Variants in FNIP2 observed in about 807,000 individuals in gnomAD.
The protein encoded by FNIP2 is folliculin interacting protein 2.
Under a neutral mutation model 108.7 loss-of-function variants are expected in FNIP2, and 32 were observed. The ratio of observed to expected loss-of-function variants is 0.29; its 90% CI spans 0.22 to 0.40. The LOEUF (loss-of-function observed/expected upper bound fraction) is 0.40, where lower values mean the gene tolerates loss of function less well. Among genes scored for constraint, FNIP2 ranks in the 10% least tolerant of loss-of-function variants. The pLI, the probability that FNIP2 is intolerant of heterozygous loss-of-function variation, is 1.00. For synonymous variants in FNIP2, 480 were observed against 496.7 expected (o/e 0.97, Z 0.45); for missense variants, 1,202 against 1,381.6 (o/e 0.87, Z 2.06).
chr4:158,869,068 G>A lies in FNIP2; in HGVS notation c.2432G>A (p.Gly811Glu). ...AACGACATGGCAGCAGATATTGCTG[G>A]GCAGCTCAGCCACGCTGCTGACTTG... ...SRNDMAADIA[G>E]QLSHAADLGT... is the part of the protein sequence containing the mutation. The change falls in exon 13 of 17, where the codon GGG (glycine) becomes GAG (glutamate). Residue 811 changes from glycine (G) to glutamate (E), a missense_variant. Around this residue, in one of 5 missense-constraint regions of FNIP2, gnomAD observed 878 missense variants for 990.3 expected, o/e 0.89. Coordinates refer to ENST00000264433, the MANE Select transcript of FNIP2 (RefSeq NM_020840.3). 2 of 1,613,992 alleles carry A rather than the reference G, an allele frequency of 1.2e-6. No homozygotes were observed. Among genetic ancestry groups the A allele is most frequent in the Non-Finnish European group, 1.7e-6 (2 of 1,179,876 alleles).
intron 16 of FNIP2, among the ~76,000 whole-genome samples, chr4:158,898,080 T>C (rs552815052): frequency 6.6e-6 from 1 of 152,346 alleles, no homozygotes; most frequent in East Asian, 1.9e-4. Context: ...CCCAACACCA[T>C]TTATTAAATA....
At chr4:158,886,659 A>C (rs2126761748) in intron 14 of FNIP2, among the ~76,000 whole-genome samples, 1 of 152,312 alleles carries the variant, frequency 6.6e-6, no homozygotes, top group Non-Finnish European at 1.5e-5. Context: ...AACGTATTTC[A>C]AAATTGATTC....
chr4:158,890,595 G>T (rs994456886), intron 14 of FNIP2, among the ~76,000 whole-genome samples: 5 of 152,214 alleles, frequency 3.3e-5, no homozygotes, highest in African/African-American at 1.2e-4. Flanking sequence ...TGGCAAAGCT[G>T]TATATCTCTT....
At chr4:158,883,329 C>T (rs1174736114) in intron 14 of FNIP2, among the ~76,000 whole-genome samples, 1 of 152,112 alleles carries the variant, frequency 6.6e-6, no homozygotes, top group Non-Finnish European at 1.5e-5. Flanking sequence ...GCAAGCTCCG[C>T]CTCCTGGGTT....
chr4:158,841,174 C>T (rs924594990), intron 7 of FNIP2, among the ~76,000 whole-genome samples: 1 of 152,130 alleles, frequency 6.6e-6, no homozygotes, highest in African/African-American at 2.4e-5. Context: ...AGGGTGGGGG[C>T]TTCTCAAGCT....
intron 1 of FNIP2, among the ~76,000 whole-genome samples, chr4:158,788,495 T>C (rs1309890707): frequency 6.6e-6 from 1 of 152,238 alleles, no homozygotes; most frequent in Non-Finnish European, 1.5e-5. Context: ...TGATGATCTT[T>C]TTGCCTTTTA....
chr4:158,890,181 A>C, intron 14 of FNIP2: 1 of 985,200 alleles, frequency 1.0e-6, no homozygotes, highest in Non-Finnish European at 1.2e-6. Context: ...CAGACAAATA[A>C]ATGTTGAACA....
Position 158,903,251 on chromosome 4 carries a change from C to T in FNIP2, c.3267-1215C>T, listed in dbSNP as rs180740882. ...GGAAACAATTCCCTGAACCCTTGCA[C>T]TTCCCGAGTAAGGCAACACCCCACC... On this transcript the variant is annotated intron_variant, in intron 16 of 16. Transcript: ENST00000264433. Among the ~76,000 whole-genome samples the T allele has an allele frequency of 9.2e-5, 14 of 152,260 alleles. No homozygotes were observed. The East Asian group carries it at 2.5e-3, about 27-fold the overall frequency.
At chr4:158,881,774 G>A (rs1162009536) in intron 14 of FNIP2, among the ~76,000 whole-genome samples, 2 of 152,252 alleles carry the variant, frequency 1.3e-5, no homozygotes, top group Non-Finnish European at 1.5e-5. Context: ...CCAGGCTGGA[G>A]TGCAGTGGCG....
intron 1 of FNIP2, among the ~76,000 whole-genome samples, chr4:158,777,044 C>T (rs2126410389): frequency 6.6e-6 from 1 of 152,216 alleles, no homozygotes; most frequent in East Asian, 1.9e-4. Context: ...CCCCACCTCC[C>T]TAAAAAAACC....
At chr4:158,819,935 G>A (rs1777787253) in intron 1 of FNIP2, among the ~76,000 whole-genome samples, 8 of 152,128 alleles carry the variant, frequency 5.3e-5, no homozygotes, top group Admixed American at 5.2e-4. Flanking sequence ...TATAGAATAG[G>A]GTTAAAGAGT....
chr4:158,819,912 A>C (rs1296140930), intron 1 of FNIP2, among the ~76,000 whole-genome samples: 1 of 152,200 alleles, frequency 6.6e-6, no homozygotes, highest in African/African-American at 2.4e-5. Flanking sequence ...GGAGGTTGGC[A>C]GAGAAAAAAG....
At chr4:158,789,920 T>C (rs1776354820) in intron 1 of FNIP2, among the ~76,000 whole-genome samples, 1 of 152,138 alleles carries the variant, frequency 6.6e-6, no homozygotes, top group Non-Finnish European at 1.5e-5. Flanking sequence ...TTCTCTTGTT[T>C]AAAGCCATTA....
chr4:158,830,190 G>C (rs576266230), intron 3 of FNIP2, among the ~76,000 whole-genome samples: 125 of 151,466 alleles, frequency 8.3e-4, no homozygotes, highest in African/African-American at 2.8e-3. Context: ...GAAGAAGTTG[G>C]TTTGAGCTAT....
At chr4:158,773,646 T>C (rs184365990) in intron 1 of FNIP2, among the ~76,000 whole-genome samples, 8 of 152,296 alleles carry the variant, frequency 5.3e-5, no homozygotes, top group Admixed American at 5.2e-4. Context: ...TTTACGAAAA[T>C]GGAACCATTT....
intron 16 of FNIP2, among the ~76,000 whole-genome samples, chr4:158,900,176 G>C (rs966675859): frequency 1.3e-5 from 2 of 152,170 alleles, no homozygotes; most frequent in Non-Finnish European, 2.9e-5. Flanking sequence ...TCTTAATCCT[G>C]AGTTCTAATT....
At chr4:158,859,698 G>A in intron 10 of FNIP2, 32 bp downstream of exon 10, 1 of 1,558,284 alleles carries the variant, frequency 6.4e-7, no homozygotes, top group Non-Finnish European at 8.8e-7. Context: ...AATCCAACAG[G>A]AGATGTTTAT....
chr4:158,815,389 T>TC (rs1392874412), intron 1 of FNIP2, among the ~76,000 whole-genome samples: 2 of 151,634 alleles, frequency 1.3e-5, no homozygotes, highest in Non-Finnish European at 2.9e-5. Flanking sequence ...TCCAGCTTTT[T>TC]TTTTTTTTTT....
At position 158,904,676 on chromosome 4, in the gene FNIP2, TTG is replaced by T; in HGVS notation, c.*136_*137del. 1 of 785,198 alleles carries T rather than the reference TTG, an allele frequency of 1.3e-6. No individual in the cohort carries two copies. The highest frequency in any genetic ancestry group is 1.7e-5 in the African/African-American group (1 of 57,946). 48.6% of individuals were successfully genotyped at this position (785,198 alleles called of 1,614,324 possible). A position where few individuals can be genotyped will look rare whatever the true frequency, so the allele number is the denominator to read the frequency against. On this transcript the variant is annotated 3_prime_UTR_variant, in exon 17 of 17. Coordinates refer to ENST00000264433, the MANE Select transcript of FNIP2 (RefSeq NM_020840.3). ...GAAACAGTCATTCCACCTTTTTGTT[TTG>T]TGTTTTTGCTGTCAAGCTGATGCTT...
Sources: allele counts gnomAD v4.1 joint callset (sites outside exome capture counted in the v4.1 genomes callset), GRCh38; gene constraint gnomAD v4.1.1; regional missense constraint gnomAD v4.1.1; transcripts MANE v1.5; gene names NCBI Gene and HGNC (gene_info 2026-07-23, HGNC 2026-07-21).